FGF13: variants seen among roughly 807,000 people sequenced by gnomAD.
The protein encoded by FGF13 is fibroblast growth factor homologous factor 2.
FGF13 carries 2 observed loss-of-function variants against 19.5 expected under a neutral mutation model. The observed-to-expected ratio is 0.10, with a 90% confidence interval of 0.04 to 0.32. The LOEUF (loss-of-function observed/expected upper bound fraction) is 0.32. FGF13 is among the 10% of genes least tolerant of loss of function. FGF13 has a pLI of 1.00. For missense variants in FGF13, 113 were observed against 192.7 expected (o/e 0.59, Z 2.45); for synonymous variants, 72 against 76.9 (o/e 0.94, Z 0.33).
At chrX:138,985,337 A>C (rs2091990945) in intron 1 of FGF13, among the ~76,000 whole-genome samples, 1 of 112,361 alleles carries the variant, frequency 8.9e-6, no homozygotes, top group Admixed American at 9.4e-5. Context: ...AGGACAGTGA[A>C]TAGTGGCAGA....
intron 3 of FGF13, among the ~76,000 whole-genome samples, chrX:138,777,425 G>A (rs2090596381): frequency 9.0e-6 from 1 of 111,568 alleles, no homozygotes; most frequent in Non-Finnish European, 1.9e-5. Context: ...AGCAACCAGG[G>A]GATTTCTACC....
At chrX:139,014,010 G>A (rs144821538) in intron 1 of FGF13, among the ~76,000 whole-genome samples, 2,257 of 111,318 alleles carry the variant, frequency 0.02, 26 homozygotes, top group South Asian at 0.094. Flanking sequence ...TGAATGACCA[G>A]TAGGTTAATG....
At chrX:138,908,978 A>G (rs1396424850) in intron 1 of FGF13, among the ~76,000 whole-genome samples, 2 of 112,142 alleles carry the variant, frequency 1.8e-5, no homozygotes, top group African/African-American at 6.5e-5. Flanking sequence ...AATGGAAACA[A>G]GTATTATTAT....
At chrX:139,043,130 T>C (rs528951203) in intron 1 of FGF13, among the ~76,000 whole-genome samples, 18 of 111,295 alleles carry the variant, frequency 1.6e-4, no homozygotes, top group African/African-American at 5.6e-4. Flanking sequence ...CACGTGTGAC[T>C]TACCCCACCC....
intron 3 of FGF13, among the ~76,000 whole-genome samples, chrX:138,747,956 G>A (rs773621106): frequency 9.0e-6 from 1 of 110,717 alleles, no homozygotes; most frequent in Non-Finnish European, 1.9e-5. Flanking sequence ...GCCTGCCAAC[G>A]AGATTCTAGG....
In FGF13 at chrX:138,624,277, T is replaced by C. The variant is rs891590060; in HGVS notation, c.*8573A>G. ...AAGCCAAGAAACAAATCCACACATA[T>C]ATGATCAACAAATCTTCAACAAAGG... On this transcript the variant is annotated 3_prime_UTR_variant, in exon 5 of 5. Transcript: ENST00000315930. 4 of 111,728 alleles carry C rather than the reference T, an allele frequency of 3.6e-5. No homozygotes were observed. The highest frequency in any genetic ancestry group is 1.3e-4 in the African/African-American group (4 of 30,729). The allele number at this position is 111,728 out of a possible 1,213,427, so 9.2% of individuals were successfully genotyped here.
At position 138,631,522 on chromosome X, in the gene FGF13, T is replaced by A. The variant is rs1266743307; in HGVS notation, c.*1328A>T. The stretch of plus-strand genomic sequence containing the variant: ...TACAATGTTTACTTCCAGTTGCTAC[T>A]TCAGTTACTGGCACATAATGGACGC... On this transcript the variant is annotated 3_prime_UTR_variant, in exon 5 of 5. Transcript: ENST00000315930. 3 of 112,797 alleles carry A rather than the reference T, an allele frequency of 2.7e-5. No individual in the cohort carries two copies. The highest frequency in any genetic ancestry group is 5.6e-5 in the Non-Finnish European group (3 of 53,328). 9.3% of individuals were successfully genotyped at this position (112,797 alleles called of 1,213,427 possible). A position where few individuals can be genotyped will look rare whatever the true frequency, so the allele number is the denominator to read the frequency against.
intron 1 of FGF13, among the ~76,000 whole-genome samples, chrX:138,867,300 T>A (rs2091331117): frequency 9.0e-6 from 1 of 111,001 alleles, no homozygotes. Flanking sequence ...ACACCTGTAG[T>A]CATGGCTACT....
intron 3 of FGF13, among the ~76,000 whole-genome samples, chrX:138,842,166 G>C (rs2091153685): frequency 8.9e-6 from 1 of 111,821 alleles, no homozygotes; most frequent in Admixed American, 9.5e-5. Flanking sequence ...GCTTATATTT[G>C]AGCCTGAGCC....
At chrX:138,910,709 T>C (rs2091583227) in intron 1 of FGF13, among the ~76,000 whole-genome samples, 1 of 112,294 alleles carries the variant, frequency 8.9e-6, no homozygotes, top group African/African-American at 3.2e-5. Context: ...ACATGGTCTC[T>C]ACACACAGGA....
chrX:138,814,143 G>A (rs146900354), intron 3 of FGF13, among the ~76,000 whole-genome samples: 1,718 of 110,063 alleles, frequency 0.016, 28 homozygotes, highest in African/African-American at 0.052. Flanking sequence ...TGACTCAATA[G>A]TATAAATATG....
At chrX:139,048,939 G>C (rs992181878) in intron 1 of FGF13, among the ~76,000 whole-genome samples, 3 of 111,404 alleles carry the variant, frequency 2.7e-5, no homozygotes, top group Non-Finnish European at 5.7e-5. Context: ...TTCTAAAACA[G>C]TGTTGAATAG....
chrX:139,124,896 G>A (rs1229767086), intron 1 of FGF13, among the ~76,000 whole-genome samples: 1 of 111,259 alleles, frequency 9.0e-6, no homozygotes, highest in African/African-American at 3.3e-5. Context: ...ACCAGCCTAG[G>A]CTTCCAAATG....
chrX:138,745,687 A>G (rs1441464189), intron 3 of FGF13, among the ~76,000 whole-genome samples: 1 of 112,129 alleles, frequency 8.9e-6, no homozygotes, highest in Non-Finnish European at 1.9e-5. Context: ...TTCTTACTCT[A>G]TTTCAGGAAA....
At chrX:139,112,804 G>C (rs1375273140) in intron 1 of FGF13, among the ~76,000 whole-genome samples, 2 of 112,116 alleles carry the variant, frequency 1.8e-5, no homozygotes, top group African/African-American at 6.5e-5. Flanking sequence ...TAAATGGCAA[G>C]CATCTTCATT....
chrX:138,704,792 A>G (rs2089979196), intron 2 of FGF13, among the ~76,000 whole-genome samples: 1 of 112,376 alleles, frequency 8.9e-6, no homozygotes, highest in African/African-American at 3.2e-5. Flanking sequence ...CCCTTCTGTT[A>G]TGTGAGGTAA....
intron 1 of FGF13, among the ~76,000 whole-genome samples, chrX:139,053,993 AC>A (rs2092311590): frequency 9.1e-6 from 1 of 109,831 alleles, no homozygotes; most frequent in South Asian, 3.9e-4. Context: ...TTATCCCAGC[AC>A]CATTTGTTGA....
At chrX:139,186,868 C>T (rs142322407) in intron 1 of FGF13, among the ~76,000 whole-genome samples, 1 of 111,943 alleles carries the variant, frequency 8.9e-6, no homozygotes, top group Non-Finnish European at 1.9e-5. Context: ...CTGATCCCAG[C>T]CGATCTCTCT....
exon 3 of FGF13, chrX:138,857,663 G>C (rs772482734): frequency 8.4e-7 from 1 of 1,197,119 alleles, no homozygotes; most frequent in Non-Finnish European, 1.1e-6. Flanking sequence ...GTGTGCCAGG[G>C]GGGGCGTCAT....
Sources: gnomAD v4.1 joint callset for allele counts (sites outside exome capture counted in the v4.1 genomes callset) on GRCh38, gnomAD v4.1.1 for gene constraint, MANE v1.5 for transcripts, NCBI Gene and HGNC (gene_info 2026-07-23, HGNC 2026-07-21) for gene names.